JARID2: variants seen among roughly 807,000 people sequenced by gnomAD.
JARID2 encodes the protein jumonji and AT-rich interaction domain containing 2.
In JARID2, 21 loss-of-function variants were observed where a neutral mutation model predicts 125.6. That is an observed-to-expected ratio of 0.17 (90% CI 0.12 to 0.24). JARID2 has a LOEUF of 0.24. Ranked by LOEUF, JARID2 falls within the 10% of genes least tolerant of loss-of-function variation. The pLI, the probability that JARID2 is intolerant of heterozygous loss-of-function variation, is 1.00. For synonymous variants in JARID2, 736 were observed against 661.6 expected, an observed-to-expected ratio of 1.11 and a Z score of -1.73; for missense variants, 1,303 against 1,639.6, an observed-to-expected ratio of 0.79 and a Z score of 3.55.
intron 6 of JARID2, among the ~76,000 whole-genome samples, chr6:15,495,419 A>C (rs4712252): frequency 0.78 from 118,305 of 151,982 alleles, 46,045 homozygotes; most frequent in Admixed American, 0.82. Flanking sequence ...TGTTGCTTCA[A>C]CAGTGAGGTC....
chr6:15,283,125 C>G (rs930446344), intron 1 of JARID2, among the ~76,000 whole-genome samples: 1 of 136,080 alleles, frequency 7.3e-6, no homozygotes, highest in African/African-American at 2.8e-5. Flanking sequence ...ACTACAGGCG[C>G]CCGCCACCAC....
At chr6:15,433,062 C>T (rs1767036228) in intron 3 of JARID2, among the ~76,000 whole-genome samples, 1 of 152,138 alleles carries the variant, frequency 6.6e-6, no homozygotes, top group African/African-American at 2.4e-5. Flanking sequence ...TCTTTTGTTG[C>T]TGGTTGAAGA....
intron 2 of JARID2, among the ~76,000 whole-genome samples, chr6:15,375,879 A>G (rs919974135): frequency 6.6e-6 from 1 of 152,232 alleles, no homozygotes; most frequent in Non-Finnish European, 1.5e-5. Context: ...GGCATTGCCA[A>G]CAGTGGAAAC....
intron 1 of JARID2, among the ~76,000 whole-genome samples, chr6:15,348,824 T>C (rs1021230414): frequency 2.0e-5 from 3 of 152,186 alleles, no homozygotes; most frequent in African/African-American, 7.2e-5. Context: ...CTGTTTAGGT[T>C]TAGTGGTTGC....
intron 3 of JARID2, among the ~76,000 whole-genome samples, chr6:15,416,685 AGGGAGAGGGAGACCGTG>A (rs1362390090): frequency 1.2e-4 from 13 of 108,970 alleles, no homozygotes; most frequent in Non-Finnish European, 2.2e-4. Flanking sequence ...GTGGAAAGAG[AGGGAGAGGGAGACCGTG>A]GGGAGAGGGA....
chr6:15,333,845 A>G (rs761607921), intron 1 of JARID2, among the ~76,000 whole-genome samples: 6 of 152,236 alleles, frequency 3.9e-5, no homozygotes, highest in Non-Finnish European at 7.3e-5. Context: ...AGTTGGTGCC[A>G]TAACATACAA....
chr6:15,472,555 G>T (rs1160508161), intron 5 of JARID2, among the ~76,000 whole-genome samples: 2 of 152,092 alleles, frequency 1.3e-5, no homozygotes, highest in Non-Finnish European at 1.5e-5. Context: ...TTTGAATTGT[G>T]AATGGGTTTT....
chr6:15,261,311 C>CTTTTTTT (rs70996526), intron 1 of JARID2, among the ~76,000 whole-genome samples: 13 of 125,822 alleles, frequency 1.0e-4, no homozygotes, highest in African/African-American at 1.3e-4. Context: ...TCTTCTTCTT[C>CTTTTTTT]TTTTTTTTTT....
At chr6:15,251,301 C>G (rs1262827280) in intron 1 of JARID2, among the ~76,000 whole-genome samples, 3 of 152,232 alleles carry the variant, frequency 2.0e-5, no homozygotes, top group African/African-American at 7.2e-5. Flanking sequence ...CAGGCGTGAG[C>G]CACTGCACCC....
At position 15,520,388 on chromosome 6, in the gene JARID2, T is replaced by C. The variant is rs191326350; in HGVS notation, c.*137T>C. The C allele has an allele frequency of 5.7e-6, 4 of 704,912 alleles. No individual in the cohort carries two copies. Among genetic ancestry groups the C allele is most frequent in the Non-Finnish European group, 8.7e-6 (4 of 459,382 alleles). 43.7% of individuals were successfully genotyped at this position (704,912 alleles called of 1,614,324 possible). On this transcript the variant is annotated 3_prime_UTR_variant, in exon 18 of 18. Transcript: ENST00000341776. ...TTTTCTTCTGGTTTTAGAGAACTAA[T>C]TTTGTTTTAGCATTAAACTGTTGAA...
At chr6:15,265,861 C>G (rs1440536683) in intron 1 of JARID2, among the ~76,000 whole-genome samples, 1 of 152,170 alleles carries the variant, frequency 6.6e-6, no homozygotes, top group Non-Finnish European at 1.5e-5. Context: ...ATTCAGACCC[C>G]TTCTCCACTC....
At position 15,283,126 on chromosome 6, in the gene JARID2, C is replaced by G. The variant is rs573771124; in HGVS notation, c.45+36542C>G. On this transcript the variant is annotated intron_variant, in intron 1 of 17. Transcript: ENST00000341776. Reference sequence around the variant, plus strand: ...CCCGAGTAGCTGGGACTACAGGCGCCCGCCACCACGCCCGGCTAATTTTTT... The same window carrying G: ...CCCGAGTAGCTGGGACTACAGGCGCGCGCCACCACGCCCGGCTAATTTTTT... Among the ~76,000 whole-genome samples, 427 of 138,326 alleles carry G rather than the reference C, an allele frequency of 3.1e-3. 2 individuals are homozygous for G. Among genetic ancestry groups the G allele is most frequent in the Non-Finnish European group, 5.2e-3 (331 of 63,354 alleles). 90.7% of individuals were successfully genotyped at this position (138,326 alleles called of 152,430 possible). A position where few individuals can be genotyped will look rare whatever the true frequency, so the allele number is the denominator to read the frequency against.
chr6:15,297,375 C>G (rs940107192), intron 1 of JARID2, among the ~76,000 whole-genome samples: 11 of 151,952 alleles, frequency 7.2e-5, no homozygotes, highest in African/African-American at 1.9e-4. Context: ...GTCTTGAACT[C>G]CTGACCTCAT....
intron 1 of JARID2, among the ~76,000 whole-genome samples, chr6:15,352,201 G>T (rs918052194): frequency 6.6e-6 from 1 of 152,018 alleles, no homozygotes; most frequent in African/African-American, 2.4e-5. Flanking sequence ...CATTATAACA[G>T]AAAATATTAA....
intron 3 of JARID2, among the ~76,000 whole-genome samples, chr6:15,420,611 G>A (rs1266800600): frequency 6.6e-6 from 1 of 152,154 alleles, no homozygotes; most frequent in Non-Finnish European, 1.5e-5. Context: ...ATCTTTGCAT[G>A]TCTGGTAGCT....
intron 1 of JARID2, among the ~76,000 whole-genome samples, chr6:15,311,566 G>A (rs1398026841): frequency 6.6e-6 from 1 of 152,064 alleles, no homozygotes; most frequent in Non-Finnish European, 1.5e-5. Flanking sequence ...CAACAAGAGC[G>A]AAACTCCGTC....
intron 1 of JARID2, among the ~76,000 whole-genome samples, chr6:15,311,307 G>A (rs1762003331): frequency 6.6e-6 from 1 of 152,222 alleles, no homozygotes; most frequent in Non-Finnish European, 1.5e-5. Context: ...GCTGGGCACG[G>A]TGGCTCATGC....
chr6:15,302,475 C>T (rs1446988496), intron 1 of JARID2, among the ~76,000 whole-genome samples: 1 of 151,920 alleles, frequency 6.6e-6, no homozygotes, highest in Non-Finnish European at 1.5e-5. Context: ...AGTTCAAAGC[C>T]TAATGGTGTT....
chr6:15,361,298 C>T (rs1271832862), intron 1 of JARID2, among the ~76,000 whole-genome samples: 1 of 152,172 alleles, frequency 6.6e-6, no homozygotes, highest in African/African-American at 2.4e-5. Context: ...TTTTTCCACA[C>T]CACTGTCCCC....
Sources: gnomAD v4.1 joint callset for allele counts (sites outside exome capture counted in the v4.1 genomes callset) on GRCh38, gnomAD v4.1.1 for gene constraint, MANE v1.5 for transcripts, NCBI Gene and HGNC (gene_info 2026-07-23, HGNC 2026-07-21) for gene names.